The following FRMD4A variants were observed in gnomAD, a reference collection of about 807,000 sequenced individuals.
FRMD4A encodes FERM domain containing 4A.
A neutral mutation model predicts 129.1 loss-of-function variants in FRMD4A; 29 were observed. The observed-to-expected ratio is 0.22, with a 90% CI of 0.17 to 0.31. The LOEUF (loss-of-function observed/expected upper bound fraction) is 0.31. Ranked by LOEUF, FRMD4A falls within the 10% of genes least tolerant of loss-of-function variation. The pLI is 1.00. For missense variants in FRMD4A, 1,272 were observed against 1,375.8 expected, an observed-to-expected ratio of 0.92 and a Z score of 1.19; for synonymous variants, 634 against 571.6, an observed-to-expected ratio of 1.11 and a Z score of -1.56.
chr10:14,258,720 G>A (rs528527904), intron 2 of FRMD4A, among the ~76,000 whole-genome samples: 14 of 152,230 alleles, frequency 9.2e-5, no homozygotes, highest in South Asian at 8.3e-4. Flanking sequence ...GAGCAGAAAC[G>A]TTCATAGTTG....
At chr10:13,903,548 G>T (rs1295666356) in intron 2 of FRMD4A, among the ~76,000 whole-genome samples, 1 of 152,042 alleles carries the variant, frequency 6.6e-6, no homozygotes, top group African/African-American at 2.4e-5. Context: ...GGGCAACATA[G>T]CAAGACTCCA....
At chr10:13,786,739 A>G (rs1257015508) in intron 5 of FRMD4A, among the ~76,000 whole-genome samples, 1 of 152,212 alleles carries the variant, frequency 6.6e-6, no homozygotes, top group Non-Finnish European at 1.5e-5. Context: ...CAAGGAAGAG[A>G]GAAAGCAATC....
At chr10:13,976,415 G>A (rs2131394919) in intron 2 of FRMD4A, among the ~76,000 whole-genome samples, 1 of 152,248 alleles carries the variant, frequency 6.6e-6, no homozygotes, top group East Asian at 1.9e-4. Flanking sequence ...TGCCAGGTAC[G>A]GACTCCCAGC....
At chr10:13,914,842 C>A (rs554611226) in intron 2 of FRMD4A, among the ~76,000 whole-genome samples, 1 of 152,022 alleles carries the variant, frequency 6.6e-6, no homozygotes, top group Admixed American at 6.6e-5. Context: ...AGAGTGAGAC[C>A]CCATCTCTAC....
chr10:14,306,284 T>G (rs1846348992), intron 2 of FRMD4A, among the ~76,000 whole-genome samples: 2 of 152,194 alleles, frequency 1.3e-5, no homozygotes, highest in African/African-American at 2.4e-5. Flanking sequence ...AAATTCATAT[T>G]AGCCAAGTCC....
chr10:13,760,204 C>T (rs999004765), intron 8 of FRMD4A, among the ~76,000 whole-genome samples: 2 of 151,542 alleles, frequency 1.3e-5, no homozygotes, highest in Non-Finnish European at 1.5e-5. Flanking sequence ...AAACAGAGAT[C>T]GTACTGCGTG....
At chr10:14,174,879 C>CTGTGTGTGTGTG (rs56966643) in intron 2 of FRMD4A, among the ~76,000 whole-genome samples, 17 of 87,556 alleles carry the variant, frequency 1.9e-4, no homozygotes, top group Admixed American at 2.4e-4. Context: ...GTGTGTGTGT[C>CTGTGTGTGTGTG]TGTGTGTGTG....
chr10:14,018,917 C>T lies in FRMD4A; in HGVS notation c.46-160005G>A, dbSNP rs201140262. 3.9e-5 allele frequency among the ~76,000 whole-genome samples: 6 copies of T among 152,084 alleles called. No individual in the cohort carries two copies. The East Asian group carries it at 1.2e-3, about 29-fold the overall frequency. ...AGAAGAGTCAAGCCTGTAAATGCAG[C>T]TCTGGATTTCAACAAGAGAATACCG... On this transcript the variant is annotated intron_variant, in intron 2 of 24. Transcript: ENST00000357447.
rs747364370 is a variant in FRMD4A at position 13,884,208 on chromosome 10, T to TCACACA, written c.46-25302_46-25297dup. On this transcript the variant is annotated intron_variant, in intron 2 of 24. Coordinates refer to ENST00000357447, the MANE Select transcript of FRMD4A (RefSeq NM_018027.5). Reference sequence around the variant, plus strand: ...CACACACACACACTCACACACACACTCACACACACACACACACACACACAC... The same window carrying TCACACA: ...CACACACACACACTCACACACACACTCACACACACACACACACACACACACACACAC... 5.3e-4 allele frequency among the ~76,000 whole-genome samples: 43 copies of TCACACA among 81,756 alleles called. 1 individual carries two copies. The highest frequency in any genetic ancestry group is 1.8e-3 in the African/African-American group (38 of 20,902). 53.6% of individuals were successfully genotyped at this position (81,756 alleles called of 152,430 possible). A position where few individuals can be genotyped will look rare whatever the true frequency, so the allele number is the denominator to read the frequency against.
chr10:13,943,646 CAAAAAAAAAAAAAAAA>C (rs55774636), intron 2 of FRMD4A, among the ~76,000 whole-genome samples: 3 of 58,268 alleles, frequency 5.1e-5, no homozygotes, highest in African/African-American at 1.5e-4. Flanking sequence ...GACTCTGTCT[CAAAAAAAAAAAAAAAA>C]AAAAAAAAAA....
intron 2 of FRMD4A, among the ~76,000 whole-genome samples, chr10:14,049,005 T>G (rs1471615607): frequency 2.0e-5 from 3 of 152,134 alleles, no homozygotes; most frequent in Non-Finnish European, 4.4e-5. Flanking sequence ...AGCAGGATGC[T>G]TGGAAGGATT....
intron 12 of FRMD4A, among the ~76,000 whole-genome samples, chr10:13,717,692 GTT>G (rs35059886): frequency 0.34 from 32,410 of 95,470 alleles, 4,784 homozygotes; most frequent in Middle Eastern, 0.42. Flanking sequence ...TGTTGTTCTT[GTT>G]TTTTTTTTTT....
At chr10:14,061,835 G>T (rs1025377785) in intron 2 of FRMD4A, among the ~76,000 whole-genome samples, 1 of 152,212 alleles carries the variant, frequency 6.6e-6, no homozygotes, top group Non-Finnish European at 1.5e-5. Flanking sequence ...GATACCATAT[G>T]AGCCACAGGA....
chr10:14,046,444 G>A (rs1258198020), intron 2 of FRMD4A, among the ~76,000 whole-genome samples: 1 of 151,880 alleles, frequency 6.6e-6, no homozygotes, highest in East Asian at 1.9e-4. Flanking sequence ...AAAACCATAC[G>A]GCAAGATACA....
intron 2 of FRMD4A, among the ~76,000 whole-genome samples, chr10:14,129,227 G>A (rs566037596): frequency 2.0e-5 from 3 of 151,090 alleles, no homozygotes; most frequent in South Asian, 2.1e-4. Flanking sequence ...CCTTATTACC[G>A]TATATCTAGT....
intron 15 of FRMD4A, among the ~76,000 whole-genome samples, chr10:13,681,725 G>A (rs2134762966): frequency 1.3e-5 from 2 of 152,284 alleles, no homozygotes; most frequent in South Asian, 4.1e-4. Flanking sequence ...GGCTGGGTGT[G>A]TGTTCCAGCA....
At chr10:13,852,249 AT>A (rs879712876) in intron 3 of FRMD4A, among the ~76,000 whole-genome samples, 111 of 146,682 alleles carry the variant, frequency 7.6e-4, no homozygotes, top group Middle Eastern at 3.6e-3. Context: ...TAAGATTTTA[AT>A]TTTTTTTTTT....
chr10:13,996,405 C>T (rs1321325535), intron 2 of FRMD4A, among the ~76,000 whole-genome samples: 1 of 151,636 alleles, frequency 6.6e-6, no homozygotes, highest in Non-Finnish European at 1.5e-5. Flanking sequence ...TTTTGCAGAG[C>T]CCTGATGACT....
chr10:13,908,438 A>G lies in FRMD4A; in HGVS notation c.46-49526T>C, dbSNP rs74765735. ...TATACACTGTTTTGTGTGTTTTTCAACTTTACAGAAATGCAGCTAGAACAG... is the reference window on the plus strand; with the variant it reads ...TATACACTGTTTTGTGTGTTTTTCAGCTTTACAGAAATGCAGCTAGAACAG... On this transcript the variant is annotated intron_variant, in intron 2 of 24. Coordinates refer to ENST00000357447, the MANE Select transcript of FRMD4A (RefSeq NM_018027.5). 4.2e-3 allele frequency among the ~76,000 whole-genome samples: 647 copies of G among 152,300 alleles called. 2 individuals are homozygous for G. Among genetic ancestry groups the G allele is most frequent in the African/African-American group, 0.015 (626 of 41,550 alleles).
Sources: allele counts gnomAD v4.1 joint callset (sites outside exome capture counted in the v4.1 genomes callset), GRCh38; gene constraint gnomAD v4.1.1; transcripts MANE v1.5; gene names NCBI Gene and HGNC (gene_info 2026-07-23, HGNC 2026-07-21).